The following SMAD4 variants were observed in gnomAD, a reference collection of about 807,000 sequenced individuals.
SMAD4 encodes SMAD family member 4.
In SMAD4, 7 loss-of-function variants were observed where a neutral mutation model predicts 63.2. That is an observed-to-expected ratio of 0.11 (90% CI 0.06 to 0.21). SMAD4 has a LOEUF of 0.21. Among genes scored for constraint, SMAD4 ranks in the 10% least tolerant of loss-of-function variants. SMAD4 has a pLI of 1.00. For synonymous variants in SMAD4, 215 were observed against 235.4 expected (o/e 0.91, Z 0.79); for missense variants, 312 against 693.8 (o/e 0.45, Z 6.18).
At position 51,067,031 on chromosome 18, in the gene SMAD4, C is replaced by G. The variant is rs765405495; in HGVS notation, c.1152C>G (p.Gly384=). 1 of 1,612,472 alleles carries G rather than the reference C, an allele frequency of 6.2e-7. No individual in the cohort carries two copies. Among genetic ancestry groups the G allele is most frequent in the Non-Finnish European group, 8.5e-7 (1 of 1,178,600 alleles). Residue 384 remains glycine, a synonymous_variant, in exon 10 of 12, where the codon GGC becomes GGG. Transcript: ENST00000342988. The part of the protein sequence containing the change: ...EAIERARLHI[G]KGVQLECKGE... ...TTTTCTTCCTAAGGTTGCACATAGGCAAAGGTGTGCAGTTGGAATGTAAAG... is the reference window on the plus strand; with the variant it reads ...TTTTCTTCCTAAGGTTGCACATAGGGAAAGGTGTGCAGTTGGAATGTAAAG...
chr18:51,073,059 A>G (rs1255437523), intron 10 of SMAD4, among the ~76,000 whole-genome samples: 1 of 152,036 alleles, frequency 6.6e-6, no homozygotes, highest in Admixed American at 6.6e-5. Flanking sequence ...TTACGTAAAT[A>G]ATCTGTGGAA....
At chr18:51,072,429 GA>G (rs528121500) in intron 10 of SMAD4, among the ~76,000 whole-genome samples, 74 of 152,336 alleles carry the variant, frequency 4.9e-4, no homozygotes, top group Middle Eastern at 3.4e-3. Context: ...GACTAGGTCA[GA>G]GGGTATTATG....
At chr18:51,044,725 T>A (rs890903913) in intron 1 of SMAD4, among the ~76,000 whole-genome samples, 2 of 152,210 alleles carry the variant, frequency 1.3e-5, no homozygotes, top group African/African-American at 4.8e-5. Flanking sequence ...CAACAGTAGC[T>A]TTTTTACTGA....
chr18:51,077,697 C>T (rs567256499), intron 11 of SMAD4, among the ~76,000 whole-genome samples: 30 of 152,234 alleles, frequency 2.0e-4, no homozygotes, highest in African/African-American at 7.0e-4. Context: ...TATAAACATG[C>T]TTTTACTGAA....
At chr18:51,061,661 T>A (rs1910018571) in intron 8 of SMAD4, among the ~76,000 whole-genome samples, 1 of 152,234 alleles carries the variant, frequency 6.6e-6, no homozygotes, top group African/African-American at 2.4e-5. Context: ...TATCAAGTAA[T>A]GACCAATCTT....
At chr18:51,031,989 A>T (rs777373538) in intron 1 of SMAD4, among the ~76,000 whole-genome samples, 7 of 152,210 alleles carry the variant, frequency 4.6e-5, no homozygotes, top group Non-Finnish European at 7.3e-5. Flanking sequence ...ATTTAAAAAT[A>T]CGGTTTTTAA....
At chr18:51,076,066 T>C (rs1368171548) in intron 10 of SMAD4, among the ~76,000 whole-genome samples, 1 of 152,232 alleles carries the variant, frequency 6.6e-6, no homozygotes, top group African/African-American at 2.4e-5. Flanking sequence ...AATTTTATAT[T>C]TGTTTGATCT....
Position 51,054,773 on chromosome 18 carries a change from C to T in SMAD4, c.455-8C>T, listed in dbSNP as rs1057520412. 6 of 1,590,490 alleles carry T rather than the reference C, an allele frequency of 3.8e-6. No homozygotes were observed. The highest frequency in any genetic ancestry group is 3.4e-6 in the Non-Finnish European group (4 of 1,159,878). ...AAAAATTTAAAATATGTTTAATTTTCTATATAGCTCCATCAAGTATGATGG... is the reference window on the plus strand; with the variant it reads ...AAAAATTTAAAATATGTTTAATTTTTTATATAGCTCCATCAAGTATGATGG... On this transcript the variant is annotated splice_polypyrimidine_tract_variant and splice_region_variant and intron_variant, in intron 4 of 11. Coordinates refer to ENST00000342988, the MANE Select transcript of SMAD4 (RefSeq NM_005359.6).
intron 1 of SMAD4, among the ~76,000 whole-genome samples, chr18:51,034,957 A>G (rs562951620): frequency 6.6e-6 from 1 of 152,346 alleles, no homozygotes; most frequent in Admixed American, 6.5e-5. Context: ...GGGTGCAGCC[A>G]GGTTAGCCCT....
intron 1 of SMAD4, among the ~76,000 whole-genome samples, chr18:51,042,287 G>GCCTGCCTCCCTCCCTCCCTCCCTC (rs1568201587): frequency 7.4e-6 from 1 of 135,250 alleles, no homozygotes; most frequent in African/African-American, 3.0e-5. Context: ...TTGCCTGCCT[G>GCCTGCCTCCCTCCCTCCCTCCCTC]CCTCCCTCCC....
At chr18:51,061,946 T>A (rs75017379) in intron 8 of SMAD4, among the ~76,000 whole-genome samples, 1 of 152,200 alleles carries the variant, frequency 6.6e-6, no homozygotes, top group Non-Finnish European at 1.5e-5. Flanking sequence ...TTATAACTTT[T>A]CTCATATTTT....
At chr18:51,068,845 C>T (rs1020825995) in intron 10 of SMAD4, among the ~76,000 whole-genome samples, 1 of 152,042 alleles carries the variant, frequency 6.6e-6, no homozygotes, top group African/African-American at 2.4e-5. Context: ...TGCTTGAGCC[C>T]AGGAGTTCAA....
At chr18:51,075,854 A>G (rs529628294) in intron 10 of SMAD4, among the ~76,000 whole-genome samples, 1 of 152,358 alleles carries the variant, frequency 6.6e-6, no homozygotes, top group East Asian at 1.9e-4. Context: ...CCAAGTTTGC[A>G]ACAACCTCAT....
rs1910591640 is a variant in SMAD4, at chr18:51,080,670, T to A, written c.*2203T>A. ...GATTCTCCTGCCTCAGCCTCCCTGG[T>A]AGCTAGGATTACAGGTGCCCGCCAC... On this transcript the variant is annotated 3_prime_UTR_variant, in exon 12 of 12. Coordinates refer to ENST00000342988, the MANE Select transcript of SMAD4 (RefSeq NM_005359.6). 1 of 176,238 alleles carries A rather than the reference T, an allele frequency of 5.7e-6. No homozygotes were observed. Among genetic ancestry groups the A allele is most frequent in the African/African-American group, 2.4e-5 (1 of 42,242 alleles). 10.9% of individuals were successfully genotyped at this position (176,238 alleles called of 1,614,324 possible).
chr18:51,052,607 GT>G, intron 4 of SMAD4: 6 of 286,064 alleles, frequency 2.1e-5, no homozygotes, highest in South Asian at 6.4e-5. Context: ...TATACTATAT[GT>G]TTTTTTAATT....
In SMAD4 at chr18:51,047,178, A is replaced by G. The variant is rs965942065; in HGVS notation, c.132A>G (p.Val44=). ...TFAKRAIESL[V]KKLKEKKDEL... is the part of the protein sequence containing the mutation. ...CAAAAAGAGCAATTGAAAGTTTGGTAAAGAAGCTGAAGGAGAAAAAAGATG... is the reference window on the plus strand; with the variant it reads ...CAAAAAGAGCAATTGAAAGTTTGGTGAAGAAGCTGAAGGAGAAAAAAGATG... Residue 44 remains valine (V), a synonymous_variant, in exon 2 of 12, where the codon GTA becomes GTG. Coordinates refer to ENST00000342988, the MANE Select transcript of SMAD4 (RefSeq NM_005359.6). 1.9e-6 allele frequency: 3 copies of G among 1,614,038 alleles called. No homozygotes were observed. The African/African-American group carries it at 4.0e-5, about 22-fold the overall frequency.
At chr18:51,051,432 A>G in intron 4 of SMAD4, 1 of 455,112 alleles carries the variant, frequency 2.2e-6, no homozygotes, top group South Asian at 1.6e-5. Flanking sequence ...AAAAGTTAAG[A>G]AAATGGGACA....
intron 1 of SMAD4, among the ~76,000 whole-genome samples, chr18:51,046,321 T>G (rs1164072829): frequency 1.3e-5 from 2 of 152,170 alleles, no homozygotes; most frequent in African/African-American, 4.8e-5. Flanking sequence ...AGCAGCTCAT[T>G]GTGGTTTTGA....
intron 7 of SMAD4, 124 bp from the exon 8 acceptor site, chr18:51,059,742 G>A: frequency 1.4e-6 from 1 of 739,914 alleles, no homozygotes; most frequent in Middle Eastern, 3.0e-4. Context: ...CTTAGACATT[G>A]CATAAGCTTG....
Sources: gnomAD v4.1 joint callset for allele counts (sites outside exome capture counted in the v4.1 genomes callset) on GRCh38, gnomAD v4.1.1 for gene constraint, MANE v1.5 for transcripts, NCBI Gene and HGNC (gene_info 2026-07-23, HGNC 2026-07-21) for gene names.